HPCAL1: variants seen among roughly 807,000 people sequenced by gnomAD.
The protein encoded by HPCAL1 is hippocalcin like 1.
A neutral mutation model predicts 17.1 loss-of-function variants in HPCAL1; 8 were observed. The observed-to-expected ratio is 0.47, with a 90% CI of 0.27 to 0.84. The LOEUF (loss-of-function observed/expected upper bound fraction) is 0.84, where lower values mean the gene tolerates loss of function less well. HPCAL1 is among the 40% of genes least tolerant of loss of function. The pLI is 0.13. For missense variants in HPCAL1, 165 were observed against 271.1 expected, an observed-to-expected ratio of 0.61 and a Z score of 2.75; for synonymous variants, 112 against 111.4, an observed-to-expected ratio of 1.01 and a Z score of -0.03.
At position 10,354,455 on chromosome 2, in the gene HPCAL1, C is replaced by T. The variant is rs1444447641; in HGVS notation, c.-110-42380C>T. Reference sequence around the variant, plus strand: ...TCTTCTAGTGAATTCTGGGCTGAAACCAATGTCGACTTGGCCAAATTAAGG... The same window carrying T: ...TCTTCTAGTGAATTCTGGGCTGAAATCAATGTCGACTTGGCCAAATTAAGG... On this transcript the variant is annotated intron_variant, in intron 1 of 4. Transcript: ENST00000307845. The surrounding 1 kb of genome is among the most constrained non-coding windows in gnomAD (Gnocchi z 5.1). 6.6e-6 allele frequency: 1 copy of T among 152,212 alleles called. No individual in the cohort carries two copies. The highest frequency in any genetic ancestry group is 1.5e-5 in the Non-Finnish European group (1 of 68,048). 9.4% of individuals were successfully genotyped at this position (152,212 alleles called of 1,614,324 possible).
chr2:10,319,841 G>A (rs1016941801), intron 1 of HPCAL1, among the ~76,000 whole-genome samples: 30 of 151,976 alleles, frequency 2.0e-4, no homozygotes, highest in South Asian at 4.2e-4. Flanking sequence ...TCAGGGATTC[G>A]TTTCCCAGCC....
intron 1 of HPCAL1, among the ~76,000 whole-genome samples, chr2:10,311,359 C>T (rs1310094873): frequency 6.6e-6 from 1 of 152,148 alleles, no homozygotes; most frequent in African/African-American, 2.4e-5. Context: ...AGGGCTCTGG[C>T]AGGTGCTAAG....
At chr2:10,375,405 G>A (rs1667492059) in intron 1 of HPCAL1, among the ~76,000 whole-genome samples, 1 of 152,178 alleles carries the variant, frequency 6.6e-6, no homozygotes, top group African/African-American at 2.4e-5. Context: ...TTTCCTGGGG[G>A]CCTCAGCTGC....
chr2:10,399,735 T>A (rs1400177540), intron 2 of HPCAL1, among the ~76,000 whole-genome samples: 6 of 152,128 alleles, frequency 3.9e-5, no homozygotes, highest in African/African-American at 7.2e-5. Context: ...CCCTTGGTCA[T>A]GTACAGCAGG....
At position 10,426,824 on chromosome 2, in the gene HPCAL1, G is replaced by T. The variant is rs369279429; in HGVS notation, c.*3G>T. On this transcript the variant is annotated 3_prime_UTR_variant, in exon 5 of 5. Coordinates refer to ENST00000307845, the MANE Select transcript of HPCAL1 (RefSeq NM_002149.4). ...CCAGCAGTGCCAGTCAGTTCTGAGC[G>T]AGCGGCCCCTGGACAGTTGCAGAGA... is the stretch of plus-strand genomic sequence containing the variant. 2 of 1,611,876 alleles carry T rather than the reference G, an allele frequency of 1.2e-6. No individual in the cohort carries two copies. The highest frequency in any genetic ancestry group is 1.7e-6 in the Non-Finnish European group (2 of 1,178,780).
chr2:10,343,992 G>C lies in HPCAL1; in HGVS notation c.-111+40815G>C, dbSNP rs1226236644. 6.6e-6 allele frequency among the ~76,000 whole-genome samples: 1 copy of C among 152,216 alleles called. No homozygotes were observed. Among genetic ancestry groups the C allele is most frequent in the African/African-American group, 2.4e-5 (1 of 41,456 alleles). ...GGCTTCAGACCCGGCAGGAGTACCG[G>C]CGGCTGTGTGGTGCATCCTGCACAG... is the stretch of plus-strand genomic sequence containing the variant. On this transcript the variant is annotated intron_variant, in intron 1 of 4. Coordinates refer to ENST00000307845, the MANE Select transcript of HPCAL1 (RefSeq NM_002149.4). The surrounding 1 kb of genome is among the most constrained non-coding windows in gnomAD (Gnocchi z 4.8).
At chr2:10,420,593 A>C in intron 3 of HPCAL1, among the ~76,000 whole-genome samples, 1 of 152,160 alleles carries the variant, frequency 6.6e-6, no homozygotes, top group Admixed American at 6.6e-5. Context: ...CTGATTGGGC[A>C]GACCCTTGCA....
At chr2:10,392,760 C>A (rs1410888459) in intron 1 of HPCAL1, among the ~76,000 whole-genome samples, 4 of 152,210 alleles carry the variant, frequency 2.6e-5, no homozygotes, top group Non-Finnish European at 5.9e-5. Context: ...TCCAGACAGT[C>A]CAGCCATGCA....
chr2:10,418,260 A>AATAC (rs1014983562), intron 2 of HPCAL1, among the ~76,000 whole-genome samples: 9 of 137,666 alleles, frequency 6.5e-5, no homozygotes, highest in Admixed American at 1.5e-4. Flanking sequence ...CTCTACTAAA[A>AATAC]ATACATAAAT....
intron 1 of HPCAL1, among the ~76,000 whole-genome samples, chr2:10,358,802 A>T (rs973423684): frequency 7.2e-5 from 11 of 152,162 alleles, no homozygotes; most frequent in Non-Finnish European, 1.0e-4. Context: ...TCATTCTCCA[A>T]GCCCACGTGT....
intron 1 of HPCAL1, among the ~76,000 whole-genome samples, chr2:10,328,918 A>G (rs881922): frequency 0.68 from 102,088 of 151,190 alleles, 34,758 homozygotes; most frequent in East Asian, 0.92. Flanking sequence ...TCCTTCATCA[A>G]GATCACTAGT....
chr2:10,421,266 C>G (rs1166081527), intron 3 of HPCAL1, among the ~76,000 whole-genome samples: 4 of 152,226 alleles, frequency 2.6e-5, no homozygotes, highest in Non-Finnish European at 5.9e-5. Context: ...CACCTTCATG[C>G]CTATCAACAG....
Position 10,383,216 on chromosome 2 carries a change from A to G in HPCAL1, c.-110-13619A>G, listed in dbSNP as rs189478268. Among the ~76,000 whole-genome samples, 681 of 152,264 alleles carry G rather than the reference A, an allele frequency of 4.5e-3. 9 individuals are homozygous for G. The highest frequency in any genetic ancestry group is 0.016 in the African/African-American group (657 of 41,564). ...GTAAGACCTCCTCTCTACAAAAGTA[A>G]ACAAAACTAGCCTGGCGTGGTGTCA... On this transcript the variant is annotated intron_variant, in intron 1 of 4. Coordinates refer to ENST00000307845, the MANE Select transcript of HPCAL1 (RefSeq NM_002149.4).
At position 10,419,008 on chromosome 2, in the gene HPCAL1, G is replaced by T. The variant is rs1010510914; in HGVS notation, c.-24-726G>T. Among the ~76,000 whole-genome samples the T allele has an allele frequency of 6.6e-6, 1 of 152,092 alleles. No individual in the cohort carries two copies. Among genetic ancestry groups the T allele is most frequent in the African/African-American group, 2.4e-5 (1 of 41,384 alleles). ...GTGGATCACCTGAGGTCTGGAGTTC[G>T]AGACCAGCCTGGCCAACATGGTGAA... On this transcript the variant is annotated intron_variant, in intron 2 of 4. Transcript: ENST00000307845. This position sits in a 1 kb window ranked among gnomAD's most constrained non-coding sequence, Gnocchi z 5.0.
intron 1 of HPCAL1, among the ~76,000 whole-genome samples, chr2:10,327,386 C>T (rs939353816): frequency 2.0e-5 from 3 of 152,182 alleles, no homozygotes; most frequent in African/African-American, 4.8e-5. Flanking sequence ...AGCCCCCTGC[C>T]GAGTGGCTAG....
At chr2:10,339,037 G>A (rs930884431) in intron 1 of HPCAL1, among the ~76,000 whole-genome samples, 2 of 152,234 alleles carry the variant, frequency 1.3e-5, no homozygotes, top group Admixed American at 6.5e-5. Context: ...TTGCCAGGAA[G>A]CAGCAGGATG....
chr2:10,320,007 TG>T (rs980419193), intron 1 of HPCAL1, among the ~76,000 whole-genome samples: 1 of 152,072 alleles, frequency 6.6e-6, no homozygotes, highest in African/African-American at 2.4e-5. Context: ...CCAACCTGCC[TG>T]CCTGGGAGGC....
chr2:10,402,236 T>G (rs1415241342), intron 2 of HPCAL1, among the ~76,000 whole-genome samples: 1 of 151,816 alleles, frequency 6.6e-6, no homozygotes, highest in Non-Finnish European at 1.5e-5. Context: ...AAAGAAGGAG[T>G]TCCTGTCTTG....
rs73914045 is a variant in HPCAL1 at position 10,335,317 on chromosome 2, G to C, written c.-111+32140G>C. Among the ~76,000 whole-genome samples the C allele has an allele frequency of 1.8e-3, 271 of 152,360 alleles. 2 individuals carry two copies. The highest frequency in any genetic ancestry group is 6.3e-3 in the African/African-American group (263 of 41,582). ...GGATTGCCAGCCCTGGAGGGAGCCA[G>C]ATGCCATGTCTCAAGGCAGTCCTGT... On this transcript the variant is annotated intron_variant, in intron 1 of 4. Transcript: ENST00000307845.
Sources: allele counts gnomAD v4.1 joint callset (sites outside exome capture counted in the v4.1 genomes callset), GRCh38; gene constraint gnomAD v4.1.1; non-coding constraint Gnocchi (gnomAD v3.1); transcripts MANE v1.5; gene names NCBI Gene and HGNC (gene_info 2026-07-23, HGNC 2026-07-21).